CCDC170: variants seen among roughly 807,000 people sequenced by gnomAD.
CCDC170 encodes the protein coiled-coil domain-containing protein 170.
CCDC170 carries 69 observed loss-of-function variants against 72.6 expected under a neutral mutation model. The ratio of observed to expected loss-of-function variants is 0.95; its 90% confidence interval spans 0.78 to 1.16. The LOEUF (loss-of-function observed/expected upper bound fraction) is 1.16. Among genes scored for constraint, CCDC170 ranks in the 50% most tolerant of loss-of-function variants. The pLI, the probability that CCDC170 is intolerant of heterozygous loss-of-function variation, is 0.00. For synonymous variants in CCDC170, 300 were observed against 303.9 expected (o/e 0.99, Z 0.13); for missense variants, 852 against 832.5 (o/e 1.02, Z -0.29).
chr6:151,608,377 T>C (rs1242734241), intron 9 of CCDC170, among the ~76,000 whole-genome samples: 1 of 152,224 alleles, frequency 6.6e-6, no homozygotes, highest in South Asian at 2.1e-4. Context: ...ACTTGCTTTT[T>C]TCATGTGTCT....
intron 1 of CCDC170, among the ~76,000 whole-genome samples, chr6:151,531,056 C>A (rs775114132): frequency 1.4e-4 from 22 of 152,066 alleles, no homozygotes; most frequent in Non-Finnish European, 2.5e-4. Context: ...TGCACTTTTT[C>A]TTGAATGTTC....
chr6:151,615,782 G>C, intron 10 of CCDC170, 103 bp downstream of exon 10: 3 of 885,198 alleles, frequency 3.4e-6, no homozygotes, highest in Non-Finnish European at 5.3e-6. Flanking sequence ...AAAAAGTTTG[G>C]ACTGTTTCAT....
In CCDC170 at chr6:151,509,993, C is replaced by T. The variant is rs569475742; in HGVS notation, c.57+15808C>T. On this transcript the variant is annotated intron_variant, in intron 1 of 10. Coordinates refer to ENST00000239374, the MANE Select transcript of CCDC170 (RefSeq NM_025059.4). ...CAAAAATTAGCCAGGCATGGTGGTGCGCGCCTGTAATCCCAGCTACTCAGG... is the reference window on the plus strand; with the variant it reads ...CAAAAATTAGCCAGGCATGGTGGTGTGCGCCTGTAATCCCAGCTACTCAGG... 1.2e-4 allele frequency among the ~76,000 whole-genome samples: 19 copies of T among 152,140 alleles called. No individual in the cohort carries two copies. The South Asian group carries it at 2.1e-3, about 17-fold the overall frequency.
At chr6:151,507,816 G>C (rs998000483) in intron 1 of CCDC170, among the ~76,000 whole-genome samples, 5 of 151,964 alleles carry the variant, frequency 3.3e-5, no homozygotes, top group African/African-American at 1.2e-4. Context: ...AGCTACTCGG[G>C]AGGCTGAGGC....
At chr6:151,582,085 C>G (rs1318241564) in intron 6 of CCDC170, among the ~76,000 whole-genome samples, 1 of 152,220 alleles carries the variant, frequency 6.6e-6, no homozygotes, top group Non-Finnish European at 1.5e-5. Flanking sequence ...GCTGCATTAA[C>G]CTCTAACAAG....
chr6:151,594,341 A>G (rs1776589102), intron 8 of CCDC170, among the ~76,000 whole-genome samples: 1 of 152,112 alleles, frequency 6.6e-6, no homozygotes, highest in Non-Finnish European at 1.5e-5. Flanking sequence ...GATGCTATAT[A>G]CCCCAAGGAG....
chr6:151,495,150 A>G (rs1209076619), intron 1 of CCDC170, among the ~76,000 whole-genome samples: 1 of 152,216 alleles, frequency 6.6e-6, no homozygotes, highest in Non-Finnish European at 1.5e-5. Context: ...TTCTTCTAAT[A>G]TTCAGCAGCT....
intron 1 of CCDC170, among the ~76,000 whole-genome samples, chr6:151,525,671 T>G (rs1782393305): frequency 6.6e-6 from 1 of 152,226 alleles, no homozygotes; most frequent in Admixed American, 6.5e-5. Flanking sequence ...GCTGACTCTC[T>G]TTTTGGACTC....
intron 1 of CCDC170, among the ~76,000 whole-genome samples, chr6:151,512,006 G>A (rs1042634552): frequency 2.6e-5 from 4 of 151,638 alleles, no homozygotes; most frequent in African/African-American, 9.7e-5. Flanking sequence ...TACCATGCCT[G>A]GCTAATTTTT....
intron 1 of CCDC170, among the ~76,000 whole-genome samples, chr6:151,497,969 A>G (rs909062301): frequency 4.0e-5 from 6 of 151,714 alleles, no homozygotes; most frequent in East Asian, 3.9e-4. Flanking sequence ...AAAAAAAAAA[A>G]AAAAAAGAAA....
At chr6:151,542,485 G>A (rs1314886921) in intron 3 of CCDC170, among the ~76,000 whole-genome samples, 2 of 152,092 alleles carry the variant, frequency 1.3e-5, no homozygotes, top group African/African-American at 4.8e-5. Flanking sequence ...GCCTTCCAAA[G>A]AGCTGGGATT....
chr6:151,508,582 G>A (rs1216523308), intron 1 of CCDC170, among the ~76,000 whole-genome samples: 1 of 151,796 alleles, frequency 6.6e-6, no homozygotes, highest in Non-Finnish European at 1.5e-5. Context: ...GAGTGGTAGC[G>A]TGTGCCTGTA....
chr6:151,557,983 C>T (rs1283058084), intron 5 of CCDC170, among the ~76,000 whole-genome samples: 1 of 150,072 alleles, frequency 6.7e-6, no homozygotes, highest in African/African-American at 2.5e-5. Flanking sequence ...ACTTGTAATC[C>T]CAGCTACTCG....
rs1008472157 is a variant in CCDC170, at chr6:151,618,514, T to A, written c.*367T>A. ...GTGGAGAAGCTGTGACATTTTTAAT[T>A]TACAACCTTTCTGGGGCTCAGACAT... is the stretch of plus-strand genomic sequence containing the variant. On this transcript the variant is annotated 3_prime_UTR_variant, in exon 11 of 11. Transcript: ENST00000239374. 5 of 215,904 alleles carry A rather than the reference T, an allele frequency of 2.3e-5. No homozygotes were observed. Among genetic ancestry groups the A allele is most frequent in the Non-Finnish European group, 4.7e-5 (5 of 106,960 alleles). The allele number at this position is 215,904 out of a possible 1,614,324, so 13.4% of individuals were successfully genotyped here.
At chr6:151,545,847 T>C (rs1440480164) in intron 4 of CCDC170, among the ~76,000 whole-genome samples, 1 of 152,190 alleles carries the variant, frequency 6.6e-6, no homozygotes, top group Non-Finnish European at 1.5e-5. Flanking sequence ...TTGTCCAGGC[T>C]GGTCTTGAAC....
chr6:151,507,918 C>CA (rs11432845), intron 1 of CCDC170, among the ~76,000 whole-genome samples: 20,675 of 121,814 alleles, frequency 0.17, 1,731 homozygotes, highest in Middle Eastern at 0.26. Flanking sequence ...AGCTCCATCT[C>CA]AAAAAAAAAA....
intron 6 of CCDC170, among the ~76,000 whole-genome samples, chr6:151,585,023 G>A (rs1218607579): frequency 1.3e-5 from 2 of 152,122 alleles, no homozygotes; most frequent in African/African-American, 2.4e-5. Flanking sequence ...TAGGCTTGGT[G>A]GTTTTATTGA....
chr6:151,511,331 A>C (rs1782146883), intron 1 of CCDC170, among the ~76,000 whole-genome samples: 2 of 152,154 alleles, frequency 1.3e-5, no homozygotes, highest in Non-Finnish European at 2.9e-5. Context: ...TGTTATAATT[A>C]AGTTCAGCCA....
intron 5 of CCDC170, among the ~76,000 whole-genome samples, chr6:151,559,025 TTTTTCGA>T (rs888913565): frequency 1.5e-4 from 23 of 150,732 alleles, no homozygotes; most frequent in African/African-American, 5.6e-4. Flanking sequence ...TTTTTTTTTT[TTTTTCGA>T]GACAGAATCT....
Sources: allele counts gnomAD v4.1 joint callset (sites outside exome capture counted in the v4.1 genomes callset), GRCh38; gene constraint gnomAD v4.1.1; transcripts MANE v1.5; gene names NCBI Gene and HGNC (gene_info 2026-07-23, HGNC 2026-07-21).